Variants in SEC14L1 observed in about 807,000 individuals in gnomAD.
SEC14L1 encodes SEC14-like protein 1.
In SEC14L1, 48 loss-of-function variants were observed where a neutral mutation model predicts 85.3. The ratio of observed to expected loss-of-function variants is 0.56; its 90% CI spans 0.45 to 0.72. The LOEUF is 0.72. Among genes scored for constraint, SEC14L1 ranks in the 30% least tolerant of loss-of-function variants. The pLI is 0.00. For missense variants in SEC14L1, 682 were observed against 921.4 expected (o/e 0.74, Z 3.36); for synonymous variants, 391 against 355.5 (o/e 1.10, Z -1.12).
At chr17:77,171,196 C>T (rs774377369) in intron 3 of SEC14L1, among the ~76,000 whole-genome samples, 4 of 152,128 alleles carry the variant, frequency 2.6e-5, no homozygotes, top group South Asian at 2.1e-4. Flanking sequence ...ACTCCGAGAG[C>T]GGCATCACAC....
intron 3 of SEC14L1, among the ~76,000 whole-genome samples, chr17:77,100,427 TC>T (rs67315345): frequency 0.35 from 9,027 of 25,922 alleles, 1,411 homozygotes; most frequent in African/African-American, 0.48. Flanking sequence ...TCTCTCTCTC[TC>T]TTTTTTTTTT....
rs756263182 is a variant in SEC14L1, at chr17:77,209,396, G to A, written c.1531G>A (p.Glu511Lys). 5.0e-6 allele frequency: 8 copies of A among 1,614,212 alleles called. No homozygotes were observed. The highest frequency in any genetic ancestry group is 6.8e-6 in the Non-Finnish European group (8 of 1,180,034). The change falls in exon 14 of 17, where the codon GAG becomes AAG. Residue 511 changes from glutamate to lysine, a missense_variant. Glu to Lys is a moderately conservative substitution (Grantham distance 56). Transcript: ENST00000436233. ...CAAATCTCTGTACCGGACTGCAGAG[G>A]AGCTGGAGAACGAAGACCTGAAGCT... ...VPKSLYRTAE[E>K]LENEDLKLWT... is the part of the protein sequence containing the mutation.
intron 3 of SEC14L1, among the ~76,000 whole-genome samples, chr17:77,122,071 C>T (rs150640354): frequency 1.5e-3 from 229 of 152,286 alleles, no homozygotes; most frequent in African/African-American, 4.5e-3. Context: ...GACAAACTAC[C>T]GAGTCCACCA....
In SEC14L1 at chr17:77,158,032, C is replaced by T. The variant is rs116811957; in HGVS notation, c.63+14373C>T. Among the ~76,000 whole-genome samples, 667 of 152,206 alleles carry T rather than the reference C, an allele frequency of 4.4e-3. 7 individuals carry two copies. Among genetic ancestry groups the T allele is most frequent in the African/African-American group, 0.014 (570 of 41,510 alleles). ...AACAAGCATGTGGGCTGGGCATGAGCCACCGTGCCTGGCCATAACTTCTAT... is the reference window on the plus strand; with the variant it reads ...AACAAGCATGTGGGCTGGGCATGAGTCACCGTGCCTGGCCATAACTTCTAT... On this transcript the variant is annotated intron_variant, in intron 3 of 16. Coordinates refer to ENST00000436233, the MANE Select transcript of SEC14L1 (RefSeq NM_001143998.2).
intron 3 of SEC14L1, among the ~76,000 whole-genome samples, chr17:77,118,522 C>T (rs754842070): frequency 9.8e-5 from 15 of 152,340 alleles, no homozygotes; most frequent in Middle Eastern, 6.8e-3. Context: ...GAGCCTCATA[C>T]GTTCCAAGGG....
intron 2 of SEC14L1, chr17:77,089,401 C>T (rs1196456135): frequency 1.2e-5 from 6 of 518,874 alleles, no homozygotes; most frequent in East Asian, 5.4e-5. Context: ...AGTAAATTCC[C>T]GGAAGAAGTC....
At chr17:77,141,689 G>A (rs1277403041) in intron 1 of SEC14L1, 6 of 152,232 alleles carry the variant, frequency 3.9e-5, no homozygotes, top group Non-Finnish European at 8.8e-5. Flanking sequence ...ACCTGGCTGT[G>A]GTTCACAAGC....
chr17:77,143,546 A>C (rs1383159421), intron 2 of SEC14L1, 21 bp from the exon 3 acceptor site: 1 of 1,449,772 alleles, frequency 6.9e-7, no homozygotes, highest in Admixed American at 1.7e-5. Flanking sequence ...GTTACTTATC[A>C]CATATATTTA....
chr17:77,176,598 T>A (rs1460787409), intron 3 of SEC14L1, among the ~76,000 whole-genome samples: 1 of 152,264 alleles, frequency 6.6e-6, no homozygotes, highest in Non-Finnish European at 1.5e-5. Flanking sequence ...TTTGTTCGTT[T>A]GTTTTTGAGA....
intron 3 of SEC14L1, among the ~76,000 whole-genome samples, chr17:77,122,468 C>CT (rs1011591279): frequency 2.0e-5 from 3 of 151,966 alleles, no homozygotes; most frequent in Admixed American, 6.6e-5. Context: ...CATCCAGCTA[C>CT]TTTTTTTATT....
rs147982998 is a variant in SEC14L1, at chr17:77,166,186, C to A, written c.63+22527C>A. On this transcript the variant is annotated intron_variant, in intron 3 of 16. Transcript: ENST00000436233. ...GAACTCCTGGGCTCAAGTGATCCTC[C>A]CACCTTGGCCTCTCAAATTGCTGGG... is the stretch of plus-strand genomic sequence containing the variant. Among the ~76,000 whole-genome samples the A allele has an allele frequency of 7.5e-3, 1,141 of 152,292 alleles. 7 individuals are homozygous for A. The highest frequency in any genetic ancestry group is 0.012 in the Non-Finnish European group (846 of 68,018).
chr17:77,116,637 C>T (rs1411193383), intron 3 of SEC14L1, among the ~76,000 whole-genome samples: 1 of 152,148 alleles, frequency 6.6e-6, no homozygotes, highest in African/African-American at 2.4e-5. Flanking sequence ...TCATATTTTT[C>T]ATCATTGTTT....
Position 77,206,083 on chromosome 17 carries a change from T to G in SEC14L1, c.1170-146T>G. 5.5e-6 allele frequency: 4 copies of G among 733,616 alleles called. No homozygotes were observed. Among genetic ancestry groups the G allele is most frequent in the Non-Finnish European group, 8.7e-6 (4 of 461,068 alleles). 45.4% of individuals were successfully genotyped at this position (733,616 alleles called of 1,614,324 possible). On this transcript the variant is annotated intron_variant, in intron 11 of 16. Transcript: ENST00000436233. This position sits in a 1 kb window ranked among gnomAD's most constrained non-coding sequence, Gnocchi z 4.3. ...TACAAGTAGATATAAACAGGGTTCATAGCACTATACATAGCACTATAATTT... is the reference window on the plus strand; with the variant it reads ...TACAAGTAGATATAAACAGGGTTCAGAGCACTATACATAGCACTATAATTT...
intron 3 of SEC14L1, chr17:77,185,325 C>G (rs1975218926): frequency 1.0e-6 from 1 of 985,308 alleles, no homozygotes; most frequent in Admixed American, 6.1e-5. Context: ...AGTGCAGCTT[C>G]TGAGTTAGCT....
Position 77,213,337 on chromosome 17 carries a change from G to A in SEC14L1, c.1887G>A (p.Pro629=), listed in dbSNP as rs200167841. 1.7e-5 allele frequency: 28 copies of A among 1,611,954 alleles called. No homozygotes were observed. The highest frequency in any genetic ancestry group is 2.7e-5 in the African/African-American group (2 of 75,038). Residue 629 remains proline, a synonymous_variant, in exon 16 of 17, where the codon CCG becomes CCA. Coordinates refer to ENST00000436233, the MANE Select transcript of SEC14L1 (RefSeq NM_001143998.2). The surrounding 1 kb of genome is among the most constrained non-coding windows in gnomAD (Gnocchi z 7.1). ...AGGGTTCCCATGTGACCAGGTGGCC[G>A]GGCTTCTACATCCTGCAGTGGAAAT... ...SVQGSHVTRW[P]GFYILQWKFH... is the part of the protein sequence containing the mutation.
intron 3 of SEC14L1, among the ~76,000 whole-genome samples, chr17:77,167,747 T>C (rs2143667404): frequency 6.6e-6 from 1 of 152,196 alleles, no homozygotes. Flanking sequence ...GGCGGGAAGT[T>C]TTATTGAGTG....
chr17:77,196,299 C>T lies in SEC14L1; in HGVS notation c.807C>T (p.Thr269=). 2 of 1,611,072 alleles carry T rather than the reference C, an allele frequency of 1.2e-6. No individual in the cohort carries two copies. The highest frequency in any genetic ancestry group is 4.5e-5 in the East Asian group (2 of 44,826). ...LIRLRQWLQE[T]HKGKIPKDEH... ...GACTTCGCCAGTGGCTCCAGGAGAC[C>T]CACAAGGGCAAAGTGAGTGTCAGCA... Residue 269 remains threonine, a synonymous_variant, in exon 8 of 17, where the codon ACC becomes ACT. Coordinates refer to ENST00000436233, the MANE Select transcript of SEC14L1 (RefSeq NM_001143998.2).
At chr17:77,179,738 G>A (rs923738433) in intron 3 of SEC14L1, among the ~76,000 whole-genome samples, 23 of 151,934 alleles carry the variant, frequency 1.5e-4, no homozygotes, top group African/African-American at 5.1e-4. Context: ...GCAGTGGCGC[G>A]ATCTCGGCTC....
At chr17:77,188,673 G>A (rs747405867) in intron 3 of SEC14L1, among the ~76,000 whole-genome samples, 2 of 152,126 alleles carry the variant, frequency 1.3e-5, no homozygotes, top group Non-Finnish European at 2.9e-5. Flanking sequence ...GAGTGCATTT[G>A]TTGGGTTGTA....
Sources: allele counts gnomAD v4.1 joint callset (sites outside exome capture counted in the v4.1 genomes callset), GRCh38; gene constraint gnomAD v4.1.1; non-coding constraint Gnocchi (gnomAD v3.1); transcripts MANE v1.5; gene names NCBI Gene and HGNC (gene_info 2026-07-23, HGNC 2026-07-21).